RGS6: variants seen among roughly 807,000 people sequenced by gnomAD.
RGS6 encodes regulator of G-protein signaling 6.
In RGS6, 30 loss-of-function variants were observed where a neutral mutation model predicts 78.5. The ratio of observed to expected loss-of-function variants is 0.38; its 90% CI spans 0.29 to 0.52. The LOEUF (loss-of-function observed/expected upper bound fraction) is 0.52, where lower values mean the gene tolerates loss of function less well. RGS6 is among the 20% of genes least tolerant of loss of function. The pLI is 0.85. For synonymous variants in RGS6, 206 were observed against 206.0 expected (o/e 1.00, Z 0.00); for missense variants, 495 against 609.7 (o/e 0.81, Z 1.98).
At chr14:72,052,951 TTC>T (rs1258764128) in intron 2 of RGS6, among the ~76,000 whole-genome samples, 1 of 37,486 alleles carries the variant, frequency 2.7e-5, no homozygotes, top group Non-Finnish European at 4.3e-5. Context: ...CTTTCTTTCT[TTC>T]TTTCTTTCTT....
At chr14:72,340,408 G>A (rs2076778400) in intron 2 of RGS6, among the ~76,000 whole-genome samples, 1 of 152,176 alleles carries the variant, frequency 6.6e-6, no homozygotes, top group African/African-American at 2.4e-5. Context: ...AGGGGCCAGA[G>A]GAAGCCCCAA....
intron 2 of RGS6, among the ~76,000 whole-genome samples, chr14:72,151,124 G>A (rs981178874): frequency 1.3e-5 from 2 of 152,194 alleles, no homozygotes; most frequent in East Asian, 1.9e-4. Flanking sequence ...CACGTAGAAC[G>A]AAGACCCGGG....
intron 13 of RGS6, among the ~76,000 whole-genome samples, chr14:72,506,984 TAAAAAAAA>T (rs71109738): frequency 0.1 from 5,587 of 53,634 alleles, 175 homozygotes; most frequent in South Asian, 0.21. Flanking sequence ...CTGTCTCTAC[TAAAAAAAA>T]AAAAAAAAAA....
chr14:72,435,133 G>A (rs1253251786), intron 3 of RGS6, among the ~76,000 whole-genome samples: 1 of 152,188 alleles, frequency 6.6e-6, no homozygotes, highest in East Asian at 1.9e-4. Context: ...AAGATGTTCT[G>A]CCCTAAACGT....
chr14:71,919,186 C>A, the RGS6 span, among the ~76,000 whole-genome samples: 1 of 152,164 alleles, frequency 6.6e-6, no homozygotes, highest in African/African-American at 2.4e-5. Context: ...AAGGACTCAG[C>A]CTCAGAGGGG....
Position 72,188,638 on chromosome 14 carries a change from C to T in RGS6, c.85-163457C>T, listed in dbSNP as rs2153712381. ...ATCTTTGTATAACTGCATTAAACTG[C>T]ATACAATTTTGAATATTTCTTTGCT... On this transcript the variant is annotated intron_variant, in intron 2 of 17. Transcript: ENST00000553525. 1.3e-5 allele frequency among the ~76,000 whole-genome samples: 2 copies of T among 152,316 alleles called. 1 individual carries two copies. Among genetic ancestry groups the T allele is most frequent in the South Asian group, 4.1e-4 (2 of 4,826 alleles).
intron 2 of RGS6, among the ~76,000 whole-genome samples, chr14:72,329,298 T>C (rs182657866): frequency 1.8e-3 from 281 of 152,364 alleles, no homozygotes; most frequent in Admixed American, 4.2e-3. Context: ...TTCTTATTAA[T>C]CCTTATTGGG....
chr14:72,045,375 C>G (rs1027442744), intron 2 of RGS6, among the ~76,000 whole-genome samples: 4 of 152,192 alleles, frequency 2.6e-5, no homozygotes, highest in South Asian at 2.1e-4. Flanking sequence ...TTATGTTAAT[C>G]TAGACTAGAT....
intron 2 of RGS6, among the ~76,000 whole-genome samples, chr14:72,078,211 C>G (rs1469932917): frequency 1.3e-5 from 2 of 152,046 alleles, no homozygotes; most frequent in African/African-American, 4.8e-5. Context: ...TGTGGCACCT[C>G]CCCAAACCCC....
chr14:72,559,723 C>T (rs185747149), intron 17 of RGS6, among the ~76,000 whole-genome samples: 2 of 152,156 alleles, frequency 1.3e-5, no homozygotes. Context: ...TAAAAGCAGT[C>T]GGGGGAAGCG....
the RGS6 span, among the ~76,000 whole-genome samples, chr14:71,903,829 A>G: frequency 2.6e-5 from 4 of 152,338 alleles, no homozygotes; most frequent in South Asian, 8.3e-4. Flanking sequence ...TTAGGTAAGA[A>G]AAGGAAATAG....
intron 2 of RGS6, among the ~76,000 whole-genome samples, chr14:72,048,392 C>T (rs1288461257): frequency 6.6e-6 from 1 of 152,160 alleles, no homozygotes; most frequent in Non-Finnish European, 1.5e-5. Flanking sequence ...TATGCTAACG[C>T]CTTCTAGTAC....
chr14:72,224,146 A>G (rs975848032), intron 2 of RGS6, among the ~76,000 whole-genome samples: 2 of 152,220 alleles, frequency 1.3e-5, no homozygotes, highest in Non-Finnish European at 2.9e-5. Context: ...GGGCTTGGCA[A>G]AGTGTCTTAC....
At chr14:72,474,604 G>A in intron 9 of RGS6, 21 bp from the exon 10 acceptor site, 5 of 1,594,430 alleles carry the variant, frequency 3.1e-6, no homozygotes, top group Non-Finnish European at 4.3e-6. Flanking sequence ...TAATTTATAT[G>A]ATGTGTTTTT....
the RGS6 span, among the ~76,000 whole-genome samples, chr14:72,582,076 G>A: frequency 2.6e-5 from 4 of 152,140 alleles, no homozygotes; most frequent in Admixed American, 6.5e-5. Context: ...TTGTTTCCCA[G>A]GGAAAACAAT....
At chr14:72,220,714 G>GTC (rs1400643518) in intron 2 of RGS6, among the ~76,000 whole-genome samples, 4 of 152,186 alleles carry the variant, frequency 2.6e-5, no homozygotes, top group Non-Finnish European at 2.9e-5. Flanking sequence ...CCTCAATGTA[G>GTC]TCTCAGAAAA....
At chr14:72,078,376 C>A (rs2094673279) in intron 2 of RGS6, among the ~76,000 whole-genome samples, 1 of 151,940 alleles carries the variant, frequency 6.6e-6, no homozygotes, top group Non-Finnish European at 1.5e-5. Flanking sequence ...TTATAAATTA[C>A]CCAGTCTCAG....
chr14:72,154,301 A>C (rs1485022743), intron 2 of RGS6, among the ~76,000 whole-genome samples: 1 of 152,170 alleles, frequency 6.6e-6, no homozygotes, highest in African/African-American at 2.4e-5. Context: ...ACGTTTTACA[A>C]TCAATTTGTG....
chr14:71,986,768 G>A (rs772856280), intron 2 of RGS6, among the ~76,000 whole-genome samples: 4 of 152,174 alleles, frequency 2.6e-5, no homozygotes, highest in Non-Finnish European at 5.9e-5. Flanking sequence ...CTAGAAATCA[G>A]GAGTGAAAAA....
Sources: gnomAD v4.1 joint callset for allele counts (sites outside exome capture counted in the v4.1 genomes callset) on GRCh38, gnomAD v4.1.1 for gene constraint, MANE v1.5 for transcripts, NCBI Gene and HGNC (gene_info 2026-07-23, HGNC 2026-07-21) for gene names.